Variants in RIC8B observed in about 807,000 individuals in gnomAD.
RIC8B encodes RIC8 guanine nucleotide exchange factor B.
In RIC8B, 16 loss-of-function variants were observed where a neutral mutation model predicts 57.5. The ratio of observed to expected loss-of-function variants is 0.28; its 90% CI spans 0.19 to 0.42. The LOEUF (loss-of-function observed/expected upper bound fraction) is 0.42. Among genes scored for constraint, RIC8B ranks in the 10% least tolerant of loss-of-function variants. The pLI is 1.00. For missense variants in RIC8B, 481 were observed against 677.0 expected (o/e 0.71, Z 3.21); for synonymous variants, 216 against 250.8 (o/e 0.86, Z 1.31).
chr12:106,860,523 T>C (rs907126660), intron 8 of RIC8B, 111 bp downstream of exon 8: 3 of 889,396 alleles, frequency 3.4e-6, no homozygotes, highest in Admixed American at 3.8e-5. Flanking sequence ...TTGGAAACTT[T>C]CCATTTAATG....
chr12:106,820,676 G>C (rs1033997508), intron 3 of RIC8B, among the ~76,000 whole-genome samples: 2 of 152,178 alleles, frequency 1.3e-5, no homozygotes, highest in Non-Finnish European at 2.9e-5. Context: ...AGAAGTACAA[G>C]TATCTGAGTA....
intron 8 of RIC8B, among the ~76,000 whole-genome samples, chr12:106,870,367 A>G (rs1369606968): frequency 1.3e-5 from 2 of 152,162 alleles, no homozygotes; most frequent in Non-Finnish European, 2.9e-5. Context: ...ATAAATTGGC[A>G]TGCTTTCATT....
intron 2 of RIC8B, among the ~76,000 whole-genome samples, chr12:106,795,362 C>G (rs1212709810): frequency 6.6e-6 from 1 of 151,920 alleles, no homozygotes; most frequent in Non-Finnish European, 1.5e-5. Context: ...GAGCGGAGGT[C>G]TAATAGGCAA....
At chr12:106,792,383 G>C (rs1037820762) in intron 2 of RIC8B, among the ~76,000 whole-genome samples, 1 of 152,142 alleles carries the variant, frequency 6.6e-6, no homozygotes, top group Non-Finnish European at 1.5e-5. Context: ...ATACATGATC[G>C]TTGGATCACT....
intron 9 of RIC8B, chr12:106,874,342 TTGTC>T (rs1250835316): frequency 8.8e-6 from 6 of 684,958 alleles, no homozygotes; most frequent in Non-Finnish European, 1.3e-5. Context: ...TACCATAGCT[TTGTC>T]TGATTAACTT....
chr12:106,878,573 A>C (rs528313314), intron 9 of RIC8B, among the ~76,000 whole-genome samples: 2 of 152,178 alleles, frequency 1.3e-5, no homozygotes, highest in African/African-American at 2.4e-5. Flanking sequence ...CATCTTTCAA[A>C]TGTGAAAAGG....
At chr12:106,828,144 C>T (rs1461406564) in intron 4 of RIC8B, among the ~76,000 whole-genome samples, 1 of 152,176 alleles carries the variant, frequency 6.6e-6, no homozygotes, top group Non-Finnish European at 1.5e-5. Flanking sequence ...CTATCGGCTT[C>T]ACTGTAAATA....
rs1951202214 is a variant in RIC8B at position 106,886,806 on chromosome 12, C to G, written c.*791C>G. Reference sequence around the variant, plus strand: ...GGGGTGCCAGGAACACACACATCCTCCATCCCAGCATAGAGAATGGGGACT... The same window carrying G: ...GGGGTGCCAGGAACACACACATCCTGCATCCCAGCATAGAGAATGGGGACT... On this transcript the variant is annotated 3_prime_UTR_variant, in exon 10 of 10. Transcript: ENST00000392837. The G allele has an allele frequency of 6.6e-6, 1 of 152,522 alleles. No homozygotes were observed. Among genetic ancestry groups the G allele is most frequent in the South Asian group, 2.1e-4 (1 of 4,830 alleles). 9.4% of individuals were successfully genotyped at this position (152,522 alleles called of 1,614,324 possible).
rs185965107 is a variant in RIC8B, at chr12:106,826,886, C to A, written c.836+1066C>A. Among the ~76,000 whole-genome samples the A allele has an allele frequency of 2.4e-4, 36 of 152,148 alleles. 1 individual carries two copies. The East Asian group carries it at 6.2e-3, about 26-fold the overall frequency. Reference sequence around the variant, plus strand: ...GCAGATCACTTGAGTTGAGCCTGGGCAACATGGCAAAACCCTATCTCTACT... The same window carrying A: ...GCAGATCACTTGAGTTGAGCCTGGGAAACATGGCAAAACCCTATCTCTACT... On this transcript the variant is annotated intron_variant, in intron 4 of 9. Coordinates refer to ENST00000392837, the MANE Select transcript of RIC8B (RefSeq NM_001330145.2).
At chr12:106,859,161 T>C (rs540829899) in intron 7 of RIC8B, among the ~76,000 whole-genome samples, 2 of 152,294 alleles carry the variant, frequency 1.3e-5, no homozygotes, top group South Asian at 4.1e-4. Flanking sequence ...TTAACAACAT[T>C]CTGTTAAAGA....
intron 3 of RIC8B, among the ~76,000 whole-genome samples, chr12:106,820,511 G>C (rs2136308019): frequency 6.6e-6 from 1 of 152,288 alleles, no homozygotes; most frequent in East Asian, 1.9e-4. Context: ...AAATATCTCT[G>C]TTGATGGAAG....
chr12:106,869,224 T>A (rs775704021), intron 8 of RIC8B, among the ~76,000 whole-genome samples: 10 of 152,206 alleles, frequency 6.6e-5, no homozygotes, highest in Admixed American at 1.3e-4. Context: ...GAGCACTGAG[T>A]CCTTCCATAA....
chr12:106,818,985 C>T (rs1341955165), intron 3 of RIC8B, among the ~76,000 whole-genome samples: 9 of 152,006 alleles, frequency 5.9e-5, no homozygotes, highest in African/African-American at 1.2e-4. Flanking sequence ...AGGCTGGTCT[C>T]GAACTCCCGA....
chr12:106,841,471 GT>G (rs1314297176), intron 4 of RIC8B, among the ~76,000 whole-genome samples: 1 of 152,060 alleles, frequency 6.6e-6, no homozygotes, highest in Non-Finnish European at 1.5e-5. Context: ...TTTTCTGTTT[GT>G]TTTGCTTTAT....
intron 7 of RIC8B, among the ~76,000 whole-genome samples, chr12:106,853,451 G>GTTTTTT (rs1949563485): frequency 1.9e-5 from 1 of 51,812 alleles, no homozygotes; most frequent in South Asian, 8.4e-4. Context: ...CTGCTTTATA[G>GTTTTTT]TCTTTTTTTT....
At chr12:106,818,577 A>G (rs552312759) in intron 3 of RIC8B, among the ~76,000 whole-genome samples, 65 of 152,212 alleles carry the variant, frequency 4.3e-4, no homozygotes, top group Admixed American at 3.3e-4. Context: ...CCTCCTGAGT[A>G]GCTGGGACTA....
Position 106,849,287 on chromosome 12 carries a change from G to GTTTATTTA in RIC8B, c.1162-2133_1162-2126dup, listed in dbSNP as rs60536359. On this transcript the variant is annotated intron_variant, in intron 6 of 9. Transcript: ENST00000392837. Reference sequence around the variant, plus strand: ...AAAAAAATTTTTTTCTTTTTAAATAGTTTATTTATTTATTTATTTATTTAT... The same window carrying GTTTATTTA: ...AAAAAAATTTTTTTCTTTTTAAATAGTTTATTTATTTATTTATTTATTTATTTATTTAT... Among the ~76,000 whole-genome samples, 72 of 143,966 alleles carry GTTTATTTA rather than the reference G, an allele frequency of 5.0e-4. 1 individual carries two copies. The highest frequency in any genetic ancestry group is 1.3e-3 in the African/African-American group (50 of 38,974). 94.4% of individuals were successfully genotyped at this position (143,966 alleles called of 152,430 possible).
At chr12:106,813,655 C>T (rs1448765281) in intron 2 of RIC8B, among the ~76,000 whole-genome samples, 1 of 152,148 alleles carries the variant, frequency 6.6e-6, no homozygotes, top group East Asian at 1.9e-4. Context: ...GACAAGATCA[C>T]AATGGGACCC....
chr12:106,821,294 T>C (rs2045830389), intron 3 of RIC8B, among the ~76,000 whole-genome samples: 1 of 152,214 alleles, frequency 6.6e-6, no homozygotes, highest in African/African-American at 2.4e-5. Flanking sequence ...CTAACGGATA[T>C]TTATGGAGAC....
Sources: gnomAD v4.1 joint callset for allele counts (sites outside exome capture counted in the v4.1 genomes callset) on GRCh38, gnomAD v4.1.1 for gene constraint, MANE v1.5 for transcripts, NCBI Gene and HGNC (gene_info 2026-07-23, HGNC 2026-07-21) for gene names.